Variants in PCDHGA4 observed in about 807,000 individuals in gnomAD.
The protein encoded by PCDHGA4 is protocadherin gamma subfamily A, 4, also known as protocadherin gamma-A4.
A neutral mutation model predicts 54.6 loss-of-function variants in PCDHGA4; 38 were observed. The observed-to-expected ratio is 0.70, with a 90% CI of 0.54 to 0.91. The LOEUF (loss-of-function observed/expected upper bound fraction) is 0.91. Ranked by LOEUF, PCDHGA4 falls within the 40% of genes least tolerant of loss-of-function variation. The probability of loss-of-function intolerance (pLI) is 0.00; values close to 1 mark genes in which losing one functional copy is unlikely to be tolerated. For synonymous variants in PCDHGA4, 511 were observed against 512.9 expected (o/e 1.00, Z 0.05); for missense variants, 1,298 against 1,220.9 (o/e 1.06, Z -0.94).
intron 1 of PCDHGA4, chr5:141,384,495 G>A (rs187774047): frequency 5.0e-6 from 8 of 1,614,162 alleles, no homozygotes; most frequent in Non-Finnish European, 6.8e-6. Context: ...AACTAAGAGT[G>A]ACTGCACATG....
At chr5:141,404,289 A>T in intron 1 of PCDHGA4, 1 of 1,614,006 alleles carries the variant, frequency 6.2e-7, no homozygotes. Context: ...ACTGACATCA[A>T]TGATAATCCA....
chr5:141,435,807 T>A (rs2097781241), intron 1 of PCDHGA4, among the ~76,000 whole-genome samples: 1 of 152,040 alleles, frequency 6.6e-6, no homozygotes, highest in South Asian at 2.1e-4. Context: ...CCCAATTATT[T>A]TTTCTTTCTT....
At chr5:141,383,625 C>T (rs754758092) in intron 1 of PCDHGA4, 32 of 1,613,930 alleles carry the variant, frequency 2.0e-5, no homozygotes, top group Non-Finnish European at 2.7e-5. Context: ...CGCCTGTCTT[C>T]TCTCTGCCTC....
At position 141,431,258 on chromosome 5, in the gene PCDHGA4, C is replaced by G. The variant is rs754250241; in HGVS notation, c.2515-63549C>G. 6.2e-6 allele frequency: 10 copies of G among 1,614,186 alleles called. No individual in the cohort carries two copies. The highest frequency in any genetic ancestry group is 1.6e-4 in the Middle Eastern group (1 of 6,062). ...GGATCCGGATATCGGGAAGAACTCT[C>G]TGCAGAGCTACGAGCTCAGCCCGAA... On this transcript the variant is annotated intron_variant, in intron 1 of 3. Transcript: ENST00000571252. This position sits in a 1 kb window ranked among gnomAD's most constrained non-coding sequence, Gnocchi z 4.8.
At position 141,491,960 on chromosome 5, in the gene PCDHGA4, A is replaced by T. The variant is rs1380758016; in HGVS notation, c.2515-2847A>T. The T allele has an allele frequency of 1.0e-6, 1 of 984,842 alleles. No individual in the cohort carries two copies. The highest frequency in any genetic ancestry group is 3.0e-5 in the East Asian group (1 of 33,312). 61.0% of individuals were successfully genotyped at this position (984,842 alleles called of 1,614,324 possible). A position where few individuals can be genotyped will look rare whatever the true frequency, so the allele number is the denominator to read the frequency against. On this transcript the variant is annotated intron_variant, in intron 1 of 3. Coordinates refer to ENST00000571252, the MANE Select transcript of PCDHGA4 (RefSeq NM_018917.4). The surrounding 1 kb of genome is among the most constrained non-coding windows in gnomAD (Gnocchi z 6.9). ...CGACCCCCACCCCTACACTCAAAAA[A>T]GGCCGGGGCCTCCTTCGAGCTTCCG...
chr5:141,496,888 T>TA (rs35063790), intron 2 of PCDHGA4, among the ~76,000 whole-genome samples: 34,968 of 133,936 alleles, frequency 0.26, 4,377 homozygotes, highest in Admixed American at 0.34. Flanking sequence ...AAGTAACACT[T>TA]AAAAAAAAAA....
At chr5:141,440,593 T>C (rs1456640262) in intron 1 of PCDHGA4, 1 of 152,202 alleles carries the variant, frequency 6.6e-6, no homozygotes, top group African/African-American at 2.4e-5. Context: ...TGGAACAAGA[T>C]TTGCAACAGA....
At chr5:141,372,152 C>G in intron 1 of PCDHGA4, 1 of 1,613,792 alleles carries the variant, frequency 6.2e-7, no homozygotes, top group East Asian at 2.2e-5. Context: ...AGCCTGGCTA[C>G]CTGGTGACCA....
At chr5:141,380,282 T>C (rs1263967352) in intron 1 of PCDHGA4, among the ~76,000 whole-genome samples, 3 of 152,306 alleles carry the variant, frequency 2.0e-5, no homozygotes, top group Admixed American at 6.5e-5. Flanking sequence ...AGGAGAAACA[T>C]TGGAAGATAC....
intron 1 of PCDHGA4, chr5:141,388,796 A>G: frequency 6.2e-7 from 1 of 1,613,952 alleles, no homozygotes; most frequent in Non-Finnish European, 8.5e-7. Flanking sequence ...TTTTAAATAC[A>G]TTAGATTTTG....
chr5:141,370,916 T>C, intron 1 of PCDHGA4: 1 of 1,614,016 alleles, frequency 6.2e-7, no homozygotes, highest in Non-Finnish European at 8.5e-7. Context: ...ACCTCAGCCC[T>C]GATCCGCACT....
Position 141,486,006 on chromosome 5 carries a change from C to G in PCDHGA4, c.2515-8801C>G, listed in dbSNP as rs1394484191. The G allele has an allele frequency of 1.9e-6, 3 of 1,614,190 alleles. No individual in the cohort carries two copies. The highest frequency in any genetic ancestry group is 1.1e-5 in the South Asian group (1 of 91,084). On this transcript the variant is annotated intron_variant, in intron 1 of 3. Transcript: ENST00000571252. The surrounding 1 kb of genome is among the most constrained non-coding windows in gnomAD (Gnocchi z 5.0). Reference sequence around the variant, plus strand: ...GACCTGGGTCCCAGTGGTAACGTCACCTTTTATTTCAGTGGTCATACCCCT... The same window carrying G: ...GACCTGGGTCCCAGTGGTAACGTCAGCTTTTATTTCAGTGGTCATACCCCT...
chr5:141,362,444 T>C, intron 1 of PCDHGA4: 4 of 1,614,058 alleles, frequency 2.5e-6, no homozygotes, highest in Non-Finnish European at 3.4e-6. Flanking sequence ...TTTCTGAACA[T>C]AACCCCGGAA....
chr5:141,366,824 C>A, intron 1 of PCDHGA4: 1 of 1,535,428 alleles, frequency 6.5e-7, no homozygotes, highest in Non-Finnish European at 8.8e-7. Context: ...CTGTCATATT[C>A]AGAATCAGCT....
chr5:141,510,949 G>C lies in PCDHGA4; in HGVS notation c.2665G>C (p.Ala889Pro), dbSNP rs762789865. The C allele has an allele frequency of 2.2e-5, 36 of 1,614,012 alleles. No homozygotes were observed. The highest frequency in any genetic ancestry group is 3.0e-5 in the Non-Finnish European group (35 of 1,180,020). ...CTGATCTTCCTCTGTCTCTGCAGAA[G>C]CTGCTGATGGGAGCTCCACCCTGGG... ...QAMILASASE[A>P]ADGSSTLGGG... is the part of the protein sequence containing the mutation. The change falls in exon 4 of 4, where the codon GCT (alanine) becomes CCT (proline). Residue 889 changes from alanine (A) to proline (P), a missense_variant and splice_region_variant. Coordinates refer to ENST00000571252, the MANE Select transcript of PCDHGA4 (RefSeq NM_018917.4).
chr5:141,440,667 T>C (rs1330266877), intron 1 of PCDHGA4: 1 of 152,218 alleles, frequency 6.6e-6, no homozygotes, highest in East Asian at 1.9e-4. Context: ...GCAGCAACTC[T>C]ATATTTCTCT....
chr5:141,417,900 G>C, intron 1 of PCDHGA4: 2 of 1,583,452 alleles, frequency 1.3e-6, no homozygotes, highest in Non-Finnish European at 1.7e-6. Context: ...GCCGGCCCGC[G>C]GCAGGTACTA....
chr5:141,370,143 C>G (rs931664549), intron 1 of PCDHGA4: 1 of 431,310 alleles, frequency 2.3e-6, no homozygotes, highest in African/African-American at 2.0e-5. Context: ...ATTTAGTCAC[C>G]ATTACTGCAG....
chr5:141,425,897 A>G (rs893972047), intron 1 of PCDHGA4, among the ~76,000 whole-genome samples: 1 of 152,240 alleles, frequency 6.6e-6, no homozygotes, highest in African/African-American at 2.4e-5. Context: ...TTTGGTAGTA[A>G]ACACTGGAAA....
Sources: gnomAD v4.1 joint callset for allele counts (sites outside exome capture counted in the v4.1 genomes callset) on GRCh38, gnomAD v4.1.1 for gene constraint, Gnocchi (gnomAD v3.1) non-coding constraint, MANE v1.5 for transcripts, NCBI Gene and HGNC (gene_info 2026-07-23, HGNC 2026-07-21) for gene names.